The following ADAMTSL4 variants were observed in gnomAD, a reference collection of about 807,000 sequenced individuals.
ADAMTSL4 encodes the protein ADAMTS like 4.
In ADAMTSL4, 97 loss-of-function variants were observed where a neutral mutation model predicts 122.8. That is an observed-to-expected ratio of 0.79 (90% CI 0.67 to 0.93). ADAMTSL4 has a LOEUF of 0.93. Among genes scored for constraint, ADAMTSL4 ranks in the 40% least tolerant of loss-of-function variants. The pLI is 0.00. For synonymous variants in ADAMTSL4, 592 were observed against 568.0 expected, an observed-to-expected ratio of 1.04 and a Z score of -0.60; for missense variants, 1,408 against 1,453.5, an observed-to-expected ratio of 0.97 and a Z score of 0.51.
intron 8 of ADAMTSL4, 124 bp downstream of exon 8, chr1:150,555,689 A>T (rs935262650): frequency 1.5e-6 from 2 of 1,354,948 alleles, no homozygotes; most frequent in Non-Finnish European, 2.0e-6. Flanking sequence ...ACATACACAC[A>T]CGCATATGCG....
In ADAMTSL4 at chr1:150,555,441, A is replaced by G. The variant is rs1458294695; in HGVS notation, c.1247A>G (p.Gln416Arg). The change falls in exon 8 of 19, where the codon CAG (glutamine) becomes CGG (arginine). Residue 416 changes from glutamine (Q) to arginine (R), a missense_variant. Gln to Arg is a conservative substitution (Grantham distance 43). Transcript: ENST00000271643. Reference sequence around the variant, plus strand: ...CCCTGTCCCTTAGTCCAGGGCTCCCAGCGCTGTGAACTGAACTGCCGGCCC... The same window carrying G: ...CCCTGTCCCTTAGTCCAGGGCTCCCGGCGCTGTGAACTGAACTGCCGGCCC... ...WEPFTEVQGS[Q>R]RCELNCRPRG... 3.7e-6 allele frequency: 6 copies of G among 1,614,010 alleles called. No individual in the cohort carries two copies. The highest frequency in any genetic ancestry group is 5.1e-6 in the Non-Finnish European group (6 of 1,180,006).
At chr1:150,557,909 GTCTCCGCC>G (rs1438195880) in intron 13 of ADAMTSL4, 28 bp from the exon 14 acceptor site, 20 of 1,589,920 alleles carry the variant, frequency 1.3e-5, no homozygotes, top group Non-Finnish European at 1.4e-5. Context: ...TCTCATCTAT[GTCTCCGCC>G]TCTTCCCTGC....
At chr1:150,551,500 G>A (rs758283467) in intron 2 of ADAMTSL4, 26 of 166,930 alleles carry the variant, frequency 1.6e-4, no homozygotes, top group Non-Finnish European at 3.0e-4. Flanking sequence ...GCTTCTGGTG[G>A]GTCCTCAGAG....
Position 150,552,500 on chromosome 1 carries a change from C to T in ADAMTSL4, c.21-43C>T. 2 of 1,613,482 alleles carry T rather than the reference C, an allele frequency of 1.2e-6. No individual in the cohort carries two copies. Among genetic ancestry groups the T allele is most frequent in the Admixed American group, 1.7e-5 (1 of 60,002 alleles). ...GGAGGGCAGTGTTGCAACACCCCCTCTGGCTCCAGTCTGACGTCCCTCCCC... is the reference window on the plus strand; with the variant it reads ...GGAGGGCAGTGTTGCAACACCCCCTTTGGCTCCAGTCTGACGTCCCTCCCC... On this transcript the variant is annotated intron_variant, in intron 3 of 18. Coordinates refer to ENST00000271643, the MANE Select transcript of ADAMTSL4 (RefSeq NM_019032.6). This position sits in a 1 kb window ranked among gnomAD's most constrained non-coding sequence, Gnocchi z 4.0.
At chr1:150,558,180 G>A (rs750796917) in intron 14 of ADAMTSL4, 31 bp downstream of exon 14, 12 of 1,612,814 alleles carry the variant, frequency 7.4e-6, no homozygotes, top group Admixed American at 6.7e-5. Context: ...AGGTGCTGGG[G>A]AGGGGAATGG....
chr1:150,558,385 G>A (rs1672422781), intron 14 of ADAMTSL4, 88 bp from the exon 15 acceptor site: 11 of 1,590,924 alleles, frequency 6.9e-6, no homozygotes, highest in South Asian at 6.7e-5. Flanking sequence ...GGGGATCGAA[G>A]GCAGAGCCTG....
chr1:150,552,750 C>CTCGGCCTCTTGGTGTT lies in ADAMTSL4; in HGVS notation c.79-148_79-147insTCGGCCTCTTGGTGTT. On this transcript the variant is annotated intron_variant, in intron 4 of 18. Transcript: ENST00000271643. The surrounding 1 kb of genome is among the most constrained non-coding windows in gnomAD (Gnocchi z 4.0). ...TCCCCAGTTCCTTGCCTCATAACACCAAGAGGCCGAGGTGTAGTTCTCCCT... is the reference window on the plus strand; with the variant it reads ...TCCCCAGTTCCTTGCCTCATAACACCTCGGCCTCTTGGTGTTAAGAGGCCGAGGTGTAGTTCTCCCT... 7.8e-7 allele frequency: 1 copy of CTCGGCCTCTTGGTGTT among 1,287,912 alleles called. No homozygotes were observed. The highest frequency in any genetic ancestry group is 1.1e-6 in the Non-Finnish European group (1 of 907,206). The allele number at this position is 1,287,912 out of a possible 1,614,324, so 79.8% of individuals were successfully genotyped here.
intron 2 of ADAMTSL4, chr1:150,550,605 C>T: frequency 2.6e-6 from 1 of 386,860 alleles, no homozygotes; most frequent in Non-Finnish European, 5.2e-6. Flanking sequence ...CCCATTTCTT[C>T]TTCCCTCAGC....
At position 150,559,948 on chromosome 1, in the gene ADAMTSL4, C is replaced by T; in HGVS notation, c.3088+43C>T. 1 of 1,613,762 alleles carries T rather than the reference C, an allele frequency of 6.2e-7. No individual in the cohort carries two copies. The highest frequency in any genetic ancestry group is 1.7e-5 in the Admixed American group (1 of 60,022). On this transcript the variant is annotated intron_variant, in intron 18 of 18. Coordinates refer to ENST00000271643, the MANE Select transcript of ADAMTSL4 (RefSeq NM_019032.6). The surrounding 1 kb of genome is among the most constrained non-coding windows in gnomAD (Gnocchi z 4.1). ...CCCAATCCCCAATACAGTGGATTAG[C>T]TGAAGTATGGGAGGAGATGAGAAAG...
Position 150,553,954 on chromosome 1 carries a change from G to C in ADAMTSL4, c.963G>C (p.Gly321=), listed in dbSNP as rs746490683. Residue 321 remains glycine (G), a synonymous_variant, in exon 6 of 19, where the codon GGG becomes GGC. Transcript: ENST00000271643. The part of the protein sequence containing the change: ...QQGQGPWGTG[G]TPHGPRLEPD... Reference sequence around the variant, plus strand: ...GCCAAGGGCCTTGGGGAACGGGGGGGACTCCTCACGGGCCCCGCCTGGAGC... The same window carrying C: ...GCCAAGGGCCTTGGGGAACGGGGGGCACTCCTCACGGGCCCCGCCTGGAGC... 24 of 1,610,040 alleles carry C rather than the reference G, an allele frequency of 1.5e-5. No homozygotes were observed. The Admixed American group carries it at 2.7e-4, about 18-fold the overall frequency.
rs763050411 is a variant in ADAMTSL4 at position 150,559,854 on chromosome 1, C to T, written c.3037C>T (p.Arg1013Trp). ...CAGCACCCGATGCCCTCCTCAACTGCGGCCCTCCAGGAAGCGCCCCTGTAA... is the reference window on the plus strand; with the variant it reads ...CAGCACCCGATGCCCTCCTCAACTGTGGCCCTCCAGGAAGCGCCCCTGTAA... ...TLSTRCPPQL[R>W]PSRKRPCNSQ... is the part of the protein sequence containing the mutation. The change falls in exon 18 of 19, where the codon CGG (arginine) becomes TGG (tryptophan). Residue 1013 changes from arginine to tryptophan, a missense_variant. Arg to Trp is a moderately radical substitution (Grantham distance 101, BLOSUM62 -3). Coordinates refer to ENST00000271643, the MANE Select transcript of ADAMTSL4 (RefSeq NM_019032.6). This position sits in a 1 kb window ranked among gnomAD's most constrained non-coding sequence, Gnocchi z 4.1. The T allele has an allele frequency of 1.1e-5, 17 of 1,613,916 alleles. No individual in the cohort carries two copies. Among genetic ancestry groups the T allele is most frequent in the African/African-American group, 6.7e-5 (5 of 74,888 alleles).
Position 150,555,729 on chromosome 1 carries a change from A to G in ADAMTSL4, c.1371+164A>G, listed in dbSNP as rs587615275. ...GACACATGCACACACGCACACACAC[A>G]CACGCACACACACGCATATGCACAC... On this transcript the variant is annotated intron_variant, in intron 8 of 18. Transcript: ENST00000271643. 1.8e-3 allele frequency among the ~76,000 whole-genome samples: 263 copies of G among 149,616 alleles called. 2 individuals are homozygous for G. Among genetic ancestry groups the G allele is most frequent in the Middle Eastern group, 0.01 (3 of 294 alleles).
Position 150,556,658 on chromosome 1 carries a change from G to T in ADAMTSL4, c.1614G>T (p.Gly538=). ...RGPGGRSIIN[G]NWAVDPPGSY... is the part of the protein sequence containing the mutation. ...CTGGGGGCCGGTCCATCATCAATGG[G>T]AACTGGGCTGTGGATCCCCCTGGGT... Residue 538 remains glycine, a synonymous_variant, in exon 10 of 19, where the codon GGG becomes GGT. Coordinates refer to ENST00000271643, the MANE Select transcript of ADAMTSL4 (RefSeq NM_019032.6). This position sits in a 1 kb window ranked among gnomAD's most constrained non-coding sequence, Gnocchi z 4.1. The T allele has an allele frequency of 6.2e-7, 1 of 1,614,014 alleles. No individual in the cohort carries two copies. The highest frequency in any genetic ancestry group is 8.5e-7 in the Non-Finnish European group (1 of 1,179,982).
Position 150,553,596 on chromosome 1 carries a change from A to G in ADAMTSL4, c.605A>G (p.Glu202Gly). 6.2e-7 allele frequency: 1 copy of G among 1,613,782 alleles called. No homozygotes were observed. Among genetic ancestry groups the G allele is most frequent in the East Asian group, 2.2e-5 (1 of 44,832 alleles). Reference sequence around the variant, plus strand: ...ATTCCGTCCCCTACTCCAAGAGCAGAGCCATTCTCCGCAAACGGCAGCCCC... The same window carrying G: ...ATTCCGTCCCCTACTCCAAGAGCAGGGCCATTCTCCGCAAACGGCAGCCCC... ...EAIPSPTPRAEPFSANGSPQT... is the reference protein window; with the variant it reads ...EAIPSPTPRAGPFSANGSPQT... The change falls in exon 6 of 19, where the codon GAG becomes GGG. Residue 202 changes from glutamate to glycine, a missense_variant. Coordinates refer to ENST00000271643, the MANE Select transcript of ADAMTSL4 (RefSeq NM_019032.6).
Position 150,559,839 on chromosome 1 carries a change from T to TGCCCTCCTCAACTGCG in ADAMTSL4, c.3030_3045dup (p.Arg1016SerfsTer11). 1 of 1,614,034 alleles carries TGCCCTCCTCAACTGCG rather than the reference T, an allele frequency of 6.2e-7. No individual in the cohort carries two copies. The highest frequency in any genetic ancestry group is 8.5e-7 in the Non-Finnish European group (1 of 1,180,012). On this transcript the variant is annotated frameshift_variant, in exon 18 of 19. Transcript: ENST00000271643. LOFTEE classifies it high-confidence loss of function. This position sits in a 1 kb window ranked among gnomAD's most constrained non-coding sequence, Gnocchi z 4.1. ...CACCAACCAGACCCTCAGCACCCGA[T>TGCCCTCCTCAACTGCG]GCCCTCCTCAACTGCGGCCCTCCAG...
At position 150,555,475 on chromosome 1, in the gene ADAMTSL4, C is replaced by G; in HGVS notation, c.1281C>G (p.Phe427Leu). 6.2e-7 allele frequency: 1 copy of G among 1,614,186 alleles called. No homozygotes were observed. Among genetic ancestry groups the G allele is most frequent in the Non-Finnish European group, 8.5e-7 (1 of 1,180,030 alleles). ...RCELNCRPRG[F>L]RFYVRHTEKV... The stretch of plus-strand genomic sequence containing the variant: ...AACTGAACTGCCGGCCCCGTGGCTT[C>G]CGCTTCTATGTCCGTCACACTGAAA... Residue 427 changes from phenylalanine to leucine, a missense_variant, in exon 8 of 19, where the codon TTC becomes TTG. Physicochemically the swap from Phe to Leu is conservative, Grantham distance 22 (BLOSUM62 0). Coordinates refer to ENST00000271643, the MANE Select transcript of ADAMTSL4 (RefSeq NM_019032.6).
rs587675749 is a variant in ADAMTSL4, at chr1:150,556,254, G to A, written c.1464G>A (p.Ser488=). Residue 488 remains serine (S), a synonymous_variant, in exon 9 of 19, where the codon TCG becomes TCA. Coordinates refer to ENST00000271643, the MANE Select transcript of ADAMTSL4 (RefSeq NM_019032.6). This position sits in a 1 kb window ranked among gnomAD's most constrained non-coding sequence, Gnocchi z 4.1. ...ATGATTCTACCTGTCGCCTTGTTTC[G>A]GGGAACCTCACTGACCGAGGGGGCC... ...GGDDSTCRLV[S]GNLTDRGGPL... is the part of the protein sequence containing the mutation. The A allele has an allele frequency of 2.9e-5, 47 of 1,614,080 alleles. No individual in the cohort carries two copies. The highest frequency in any genetic ancestry group is 1.7e-4 in the Middle Eastern group (1 of 6,058).
chr1:150,558,524 G>A lies in ADAMTSL4; in HGVS notation c.2434G>A (p.Gly812Arg). The A allele has an allele frequency of 6.2e-7, 1 of 1,613,870 alleles. No homozygotes were observed. The highest frequency in any genetic ancestry group is 8.5e-7 in the Non-Finnish European group (1 of 1,179,990). ...GAGAAGCCGGCAGGTTCGCTGTGTT[G>A]GGAACAATGGTGATGAAGTGAGCGA... Reference protein sequence around the residue: ...GQRSRQVRCVGNNGDEVSEQE... With the variant: ...GQRSRQVRCVRNNGDEVSEQE... Residue 812 changes from glycine (G) to arginine (R), a missense_variant, in exon 15 of 19, where the codon GGG becomes AGG. Physicochemically the swap from Gly to Arg is moderately radical, Grantham distance 125. Coordinates refer to ENST00000271643, the MANE Select transcript of ADAMTSL4 (RefSeq NM_019032.6).
intron 13 of ADAMTSL4, 72 bp downstream of exon 13, chr1:150,557,695 G>A: frequency 1.3e-6 from 2 of 1,518,274 alleles, no homozygotes. Flanking sequence ...AATCTTACCT[G>A]AACTCTGCAC....
Sources: allele counts gnomAD v4.1 joint callset (sites outside exome capture counted in the v4.1 genomes callset), GRCh38; gene constraint gnomAD v4.1.1; non-coding constraint Gnocchi (gnomAD v3.1); transcripts MANE v1.5; gene names NCBI Gene and HGNC (gene_info 2026-07-23, HGNC 2026-07-21).